AXDND1: variants seen among roughly 807,000 people sequenced by gnomAD.
AXDND1 encodes the protein axonemal dynein light chain domain containing 1.
A neutral mutation model predicts 137.5 loss-of-function variants in AXDND1; 110 were observed. The ratio of observed to expected loss-of-function variants is 0.80; its 90% CI spans 0.69 to 0.94. The LOEUF is 0.94. Ranked by LOEUF, AXDND1 falls within the 40% of genes least tolerant of loss-of-function variation. The probability of loss-of-function intolerance (pLI) is 0.00; values close to 1 mark genes in which losing one functional copy is unlikely to be tolerated. For missense variants in AXDND1, 1,191 were observed against 1,169.8 expected (o/e 1.02, Z -0.26); for synonymous variants, 414 against 399.7 (o/e 1.04, Z -0.43).
intron 12 of AXDND1, among the ~76,000 whole-genome samples, chr1:179,421,631 G>A (rs1404322870): frequency 2.6e-5 from 4 of 151,570 alleles, no homozygotes; most frequent in Admixed American, 6.6e-5. Context: ...TGATCCACCT[G>A]CCTCGGCCTG....
chr1:179,407,526 C>G (rs1203031723), intron 11 of AXDND1, among the ~76,000 whole-genome samples: 1 of 152,068 alleles, frequency 6.6e-6, no homozygotes, highest in East Asian at 1.9e-4. Context: ...TGCCTGGCCT[C>G]TTTTTTTCCT....
chr1:179,385,325 T>C lies in AXDND1; in HGVS notation c.829T>C (p.Cys277Arg). The C allele has an allele frequency of 6.2e-7, 1 of 1,614,074 alleles. No individual in the cohort carries two copies. Residue 277 changes from cysteine to arginine, a missense_variant, in exon 9 of 26, where the codon TGT (cysteine) becomes CGT (arginine). By Grantham distance (180) the Cys-to-Arg change is radical (BLOSUM62 -3). Transcript: ENST00000367618. ...ACTTATTCGACAAGTCAGTGTGGACTGTGCAGACAGAGGAGAACTTCTGTC... is the reference window on the plus strand; with the variant it reads ...ACTTATTCGACAAGTCAGTGTGGACCGTGCAGACAGAGGAGAACTTCTGTC... ...HELIRQVSVD[C>R]ADRGELLSKV...
intron 20 of AXDND1, among the ~76,000 whole-genome samples, chr1:179,502,562 TAAAAAAAAAA>T (rs35740934): frequency 1.2e-5 from 1 of 81,084 alleles, no homozygotes; most frequent in Non-Finnish European, 2.3e-5. Context: ...AAACTCTGTC[TAAAAAAAAAA>T]AAAAAAAAAA....
chr1:179,550,324 T>C (rs962892434), intron 25 of AXDND1, among the ~76,000 whole-genome samples: 1 of 152,130 alleles, frequency 6.6e-6, no homozygotes, highest in Admixed American at 6.5e-5. Context: ...AAGAAATATC[T>C]GTATAAGAAA....
intron 3 of AXDND1, 30 bp downstream of exon 3, chr1:179,369,002 G>A: frequency 6.5e-7 from 1 of 1,536,436 alleles, no homozygotes; most frequent in Non-Finnish European, 8.9e-7. Context: ...GAGTAATGGG[G>A]AACATTATTT....
At chr1:179,422,422 T>G (rs1655905332) in intron 12 of AXDND1, among the ~76,000 whole-genome samples, 1 of 152,224 alleles carries the variant, frequency 6.6e-6, no homozygotes, top group African/African-American at 2.4e-5. Context: ...ATTTAATTTC[T>G]GTGTGTTTAT....
chr1:179,468,746 G>A, intron 17 of AXDND1, 105 bp downstream of exon 17: 1 of 879,244 alleles, frequency 1.1e-6, no homozygotes, highest in East Asian at 2.8e-5. Flanking sequence ...ATTCTGTGGT[G>A]TTCAGTATAT....
chr1:179,490,339 G>A (rs1666728936), intron 18 of AXDND1, among the ~76,000 whole-genome samples: 1 of 152,116 alleles, frequency 6.6e-6, no homozygotes, highest in Non-Finnish European at 1.5e-5. Flanking sequence ...AGGGAGTAGG[G>A]TATTTGAAAA....
In AXDND1 at chr1:179,528,347, G is replaced by T; in HGVS notation, c.2631G>T (p.Glu877Asp). The change falls in exon 23 of 26, where the codon GAG becomes GAT. Residue 877 changes from glutamate to aspartate, a missense_variant. Coordinates refer to ENST00000367618, the MANE Select transcript of AXDND1 (RefSeq NM_144696.6). ...RAEEQPSTST[E>D]KEKLIRFIGE... ...TCTAGCAACCTTCAACATCTACAGA[G>T]AAGGAAAAACTCATTCGATTCATTG... 6.2e-7 allele frequency: 1 copy of T among 1,613,670 alleles called. No individual in the cohort carries two copies. The highest frequency in any genetic ancestry group is 8.5e-7 in the Non-Finnish European group (1 of 1,179,650).
At chr1:179,422,025 A>T (rs2125274148) in intron 12 of AXDND1, among the ~76,000 whole-genome samples, 1 of 146,970 alleles carries the variant, frequency 6.8e-6, no homozygotes, top group Non-Finnish European at 1.5e-5. Context: ...GGGCAACAAG[A>T]ACGAAACTCC....
chr1:179,532,898 GAATAAATA>G lies in AXDND1; in HGVS notation c.2716-868_2716-861del, dbSNP rs56682509. ...AGATCCAGTCTCTATAAAAGAAAAA[GAATAAATA>G]AATAAATAAATAAATAAATAAATAA... On this transcript the variant is annotated intron_variant, in intron 23 of 25. Transcript: ENST00000367618. 5.8e-3 allele frequency: 866 copies of G among 148,214 alleles called. 3 individuals carry two copies. The highest frequency in any genetic ancestry group is 6.0e-3 in the Non-Finnish European group (402 of 67,108). 9.2% of individuals were successfully genotyped at this position (148,214 alleles called of 1,614,324 possible). A position where few individuals can be genotyped will look rare whatever the true frequency, so the allele number is the denominator to read the frequency against.
intron 19 of AXDND1, 72 bp downstream of exon 19, chr1:179,491,809 G>A (rs1666931366): frequency 7.7e-7 from 1 of 1,297,240 alleles, no homozygotes; most frequent in Non-Finnish European, 1.0e-6. Context: ...AGACAGTGAA[G>A]TAGTAGCAAT....
chr1:179,459,157 A>C (rs1209933445), intron 16 of AXDND1, among the ~76,000 whole-genome samples: 1 of 152,206 alleles, frequency 6.6e-6, no homozygotes, highest in Non-Finnish European at 1.5e-5. Flanking sequence ...CACCTCAAGA[A>C]TACATTCTTT....
At position 179,421,367 on chromosome 1, in the gene AXDND1, C is replaced by CTTTT. The variant is rs199703017; in HGVS notation, c.1231-8125_1231-8122dup. Among the ~76,000 whole-genome samples the CTTTT allele has an allele frequency of 3.2e-4, 34 of 107,222 alleles. 1 individual carries two copies. Among genetic ancestry groups the CTTTT allele is most frequent in the African/African-American group, 1.2e-3 (29 of 24,308 alleles). The allele number at this position is 107,222 out of a possible 152,430, so 70.3% of individuals were successfully genotyped here. Reference sequence around the variant, plus strand: ...CTTCCTTCCTTTTCTTTTTCTTTTCCTTTTTTTTTTTTTTTTTTTTTTTTT... The same window carrying CTTTT: ...CTTCCTTCCTTTTCTTTTTCTTTTCCTTTTTTTTTTTTTTTTTTTTTTTTTTTTT... On this transcript the variant is annotated intron_variant, in intron 12 of 25. Transcript: ENST00000367618.
intron 16 of AXDND1, chr1:179,457,029 T>G (rs1661504003): frequency 6.5e-7 from 1 of 1,531,816 alleles, no homozygotes; most frequent in Admixed American, 1.7e-5. Context: ...TTTTTCACAG[T>G]TAAGTGGGCA....
At chr1:179,412,752 T>C (rs1244362756) in intron 12 of AXDND1, among the ~76,000 whole-genome samples, 3 of 152,202 alleles carry the variant, frequency 2.0e-5, no homozygotes, top group Non-Finnish European at 4.4e-5. Flanking sequence ...TAACTACTTA[T>C]AGGAAGCAGC....
At chr1:179,421,830 G>C (rs1655783601) in intron 12 of AXDND1, among the ~76,000 whole-genome samples, 1 of 151,296 alleles carries the variant, frequency 6.6e-6, no homozygotes, top group African/African-American at 2.4e-5. Context: ...CTGAGGTCAG[G>C]AGTTTGAGAC....
At chr1:179,466,457 C>T (rs760471956) in intron 16 of AXDND1, among the ~76,000 whole-genome samples, 37 of 145,166 alleles carry the variant, frequency 2.5e-4, no homozygotes, top group African/African-American at 8.1e-4. Flanking sequence ...TATAATTTGA[C>T]GGTGTTTTTC....
Position 179,391,684 on chromosome 1 carries a change from G to A in AXDND1, c.864-2219G>A, listed in dbSNP as rs147322328. Among the ~76,000 whole-genome samples the A allele has an allele frequency of 6.3e-3, 951 of 151,940 alleles. 11 individuals are homozygous for A. The highest frequency in any genetic ancestry group is 0.022 in the African/African-American group (908 of 41,448). On this transcript the variant is annotated intron_variant, in intron 9 of 25. Transcript: ENST00000367618. ...CCCAAGTAGCTAGGATTACAAGTATGCATTACCATGCCCAGCTAATTTTTT... is the reference window on the plus strand; with the variant it reads ...CCCAAGTAGCTAGGATTACAAGTATACATTACCATGCCCAGCTAATTTTTT...
Sources: allele counts gnomAD v4.1 joint callset (sites outside exome capture counted in the v4.1 genomes callset), GRCh38; gene constraint gnomAD v4.1.1; transcripts MANE v1.5; gene names NCBI Gene and HGNC (gene_info 2026-07-23, HGNC 2026-07-21).